VRK2: variants seen among roughly 807,000 people sequenced by gnomAD.
VRK2 encodes the protein serine/threonine-protein kinase VRK2.
In VRK2, 60 loss-of-function variants were observed where a neutral mutation model predicts 57.6. The observed-to-expected ratio is 1.04, with a 90% CI of 0.85 to 1.29. The LOEUF (loss-of-function observed/expected upper bound fraction) is 1.29, where lower values mean the gene tolerates loss of function less well. Ranked by LOEUF, VRK2 falls within the 50% of genes most tolerant of loss-of-function variation. VRK2 has a pLI of 0.00. For synonymous variants in VRK2, 231 were observed against 199.2 expected (o/e 1.16, Z -1.35); for missense variants, 705 against 588.1 (o/e 1.20, Z -2.06).
At chr2:58,115,754 T>G (rs912896927) in intron 7 of VRK2, among the ~76,000 whole-genome samples, 4 of 152,210 alleles carry the variant, frequency 2.6e-5, no homozygotes, top group Admixed American at 1.3e-4. Context: ...AAATTTGGGC[T>G]TGACTGAAGT....
intron 1 of VRK2, among the ~76,000 whole-genome samples, chr2:57,990,137 T>C (rs1293956231): frequency 1.3e-5 from 2 of 152,210 alleles, no homozygotes; most frequent in Admixed American, 6.5e-5. Context: ...GGCATAGTCA[T>C]GTCACAGTCT....
intron 7 of VRK2, among the ~76,000 whole-genome samples, chr2:58,117,750 C>T (rs746342145): frequency 1.3e-5 from 2 of 152,000 alleles, no homozygotes; most frequent in African/African-American, 2.4e-5. Flanking sequence ...TGGGGTCAAG[C>T]GGCATTGCAG....
chr2:57,919,185 C>A (rs1670255600), intron 1 of VRK2, among the ~76,000 whole-genome samples: 1 of 151,616 alleles, frequency 6.6e-6, no homozygotes, highest in African/African-American at 2.4e-5. Context: ...AAAAGATAGC[C>A]TAAAAGTAAG....
intron 1 of VRK2, chr2:58,048,427 C>A: frequency 1.6e-6 from 1 of 628,664 alleles, no homozygotes. Flanking sequence ...AAGACCTTCT[C>A]ACTTTTAACA....
At chr2:58,086,674 A>T (rs1402998794) in intron 5 of VRK2, among the ~76,000 whole-genome samples, 3 of 152,060 alleles carry the variant, frequency 2.0e-5, no homozygotes, top group African/African-American at 7.2e-5. Flanking sequence ...TCATCTGGGG[A>T]AGTATTTGTT....
chr2:58,070,928 A>G (rs188991467), intron 2 of VRK2, among the ~76,000 whole-genome samples: 16 of 152,202 alleles, frequency 1.1e-4, no homozygotes, highest in South Asian at 4.1e-4. Context: ...TATTCCCACC[A>G]GCAATGAATG....
intron 1 of VRK2, among the ~76,000 whole-genome samples, chr2:57,987,894 C>T (rs1327499487): frequency 6.6e-6 from 1 of 152,134 alleles, no homozygotes; most frequent in Non-Finnish European, 1.5e-5. Flanking sequence ...AGATGCTACA[C>T]TCAAAAAGCT....
intron 1 of VRK2, among the ~76,000 whole-genome samples, chr2:57,969,700 A>G (rs2104017664): frequency 6.6e-6 from 1 of 152,274 alleles, no homozygotes; most frequent in Admixed American, 6.5e-5. Context: ...AATGAAATCT[A>G]AAACAGAAAA....
chr2:58,011,235 C>T (rs2103648035), intron 1 of VRK2, among the ~76,000 whole-genome samples: 1 of 152,266 alleles, frequency 6.6e-6, no homozygotes, highest in African/African-American at 2.4e-5. Context: ...AGGGCAAGGG[C>T]AAAACTTCAG....
chr2:58,046,584 C>G, upstream of VRK2: 1 of 985,612 alleles, frequency 1.0e-6, no homozygotes, highest in South Asian at 4.7e-5. Context: ...GAGGTAGTAA[C>G]ACAGCTCCCA....
intron 2 of VRK2, chr2:58,028,356 T>C (rs936351287): frequency 6.6e-5 from 10 of 152,168 alleles, no homozygotes; most frequent in African/African-American, 2.4e-4. Context: ...TAATCCAGTC[T>C]ATCATTGTTG....
At chr2:58,011,254 G>C (rs1673409624) in intron 1 of VRK2, among the ~76,000 whole-genome samples, 1 of 152,154 alleles carries the variant, frequency 6.6e-6, no homozygotes, top group Non-Finnish European at 1.5e-5. Context: ...AGCCATATTG[G>C]TTAGACAGAG....
intron 1 of VRK2, among the ~76,000 whole-genome samples, chr2:57,972,230 G>A (rs1003926427): frequency 8.6e-6 from 1 of 116,014 alleles, no homozygotes; most frequent in Non-Finnish European, 1.7e-5. Context: ...ATAAATCTAT[G>A]AAACATGTTT....
chr2:58,157,611 A>C (rs1558717736), intron 12 of VRK2, among the ~76,000 whole-genome samples: 3 of 152,270 alleles, frequency 2.0e-5, no homozygotes, highest in Non-Finnish European at 2.9e-5. Flanking sequence ...TATTGGCATC[A>C]TCTGGAGCTT....
chr2:58,089,991 TATAG>T (rs1414740925), intron 7 of VRK2, among the ~76,000 whole-genome samples: 1 of 152,120 alleles, frequency 6.6e-6, no homozygotes, highest in Non-Finnish European at 1.5e-5. Flanking sequence ...TCTGAGCAAA[TATAG>T]ATAAGCAAAG....
chr2:58,030,521 G>A (rs927891086), intron 2 of VRK2, among the ~76,000 whole-genome samples: 5 of 151,808 alleles, frequency 3.3e-5, no homozygotes, highest in African/African-American at 1.2e-4. Context: ...GCTTTGGCTT[G>A]GGCAAAAAAA....
intron 2 of VRK2, among the ~76,000 whole-genome samples, chr2:58,061,125 TAG>T (rs1277687595): frequency 6.6e-6 from 1 of 151,850 alleles, no homozygotes; most frequent in African/African-American, 2.4e-5. Flanking sequence ...GTTATGAATG[TAG>T]AGTTTCATAA....
chr2:57,911,063 C>A (rs1354671934), intron 1 of VRK2, among the ~76,000 whole-genome samples: 1 of 150,234 alleles, frequency 6.7e-6, no homozygotes, highest in Non-Finnish European at 1.5e-5. Flanking sequence ...AAACATTTCT[C>A]AACGGAGCAA....
intron 1 of VRK2, among the ~76,000 whole-genome samples, chr2:57,999,841 C>G (rs1040060391): frequency 3.3e-5 from 5 of 152,146 alleles, no homozygotes; most frequent in Non-Finnish European, 5.9e-5. Flanking sequence ...ACATTAAATA[C>G]TTGTGTATTA....
Sources: gnomAD v4.1 joint callset for allele counts (sites outside exome capture counted in the v4.1 genomes callset) on GRCh38, gnomAD v4.1.1 for gene constraint, MANE v1.5 for transcripts, NCBI Gene and HGNC (gene_info 2026-07-23, HGNC 2026-07-21) for gene names.